Variants in NBPF20 observed in about 807,000 individuals in gnomAD.
NBPF20 encodes the protein NBPF member 20.
A neutral mutation model predicts 68.1 loss-of-function variants in NBPF20; 90 were observed. That is an observed-to-expected ratio of 1.32 (90% confidence interval 1.11 to 1.58). The LOEUF is 1.58. Ranked by LOEUF, NBPF20 falls within the 40% of genes most tolerant of loss-of-function variation. NBPF20 has a pLI of 0.00. For synonymous variants in NBPF20, 290 were observed against 228.1 expected, an observed-to-expected ratio of 1.27 and a Z score of -2.45; for missense variants, 816 against 601.2, an observed-to-expected ratio of 1.36 and a Z score of -3.74.
chr1:145,405,976 T>A (rs1212649527), upstream of NBPF20, among the ~76,000 whole-genome samples: 2 of 150,796 alleles, frequency 1.3e-5, no homozygotes, highest in Non-Finnish European at 3.0e-5. Flanking sequence ...TGGAGTGCAG[T>A]GACGCGATCT....
the NBPF20 span, among the ~76,000 whole-genome samples, chr1:145,411,387 C>CTTTTTTTTT: frequency 6.6e-5 from 7 of 106,168 alleles, no homozygotes; most frequent in Non-Finnish European, 1.1e-4. Flanking sequence ...GTTGACTTTC[C>CTTTTTTTTT]TTTTTTTTTT....
At position 145,291,480 on chromosome 1, in the gene NBPF20, A is replaced by C. The variant is rs782054438; in HGVS notation, c.*46T>G. ...TTCATTCAAATCTTCACGTGCCTATAGGTCCTGCCTGCAGGAATGACATCT... is the reference window on the plus strand; with the variant it reads ...TTCATTCAAATCTTCACGTGCCTATCGGTCCTGCCTGCAGGAATGACATCT... On this transcript the variant is annotated 3_prime_UTR_variant, in exon 138 of 138. Transcript: ENST00000369373. 1.3e-5 allele frequency: 21 copies of C among 1,611,884 alleles called. No individual in the cohort carries two copies. In the Admixed American group the frequency reaches 1.8e-4, roughly 14 times the overall value.
intron 5 of NBPF20, 50 bp downstream of exon 10, chr1:145,401,009 A>G: frequency 6.5e-7 from 1 of 1,529,262 alleles, no homozygotes. Flanking sequence ...CCTCCTAGAT[A>G]TTCCTCATAT....
At chr1:145,372,448 A>G in intron 36 of NBPF20, 64 bp downstream of exon 41, 1 of 329,124 alleles carries the variant, frequency 3.0e-6, no homozygotes, top group Non-Finnish European at 5.1e-6. Flanking sequence ...CACTTGGAAC[A>G]GGAATATCAC....
intron 2 of NBPF20, among the ~76,000 whole-genome samples, chr1:145,403,632 C>T (rs1553666084): frequency 7.2e-6 from 1 of 138,336 alleles, no homozygotes. Flanking sequence ...CTTTCCCAAG[C>T]CTTGCAGCCT....
At chr1:145,414,051 T>A in the NBPF20 span, among the ~76,000 whole-genome samples, 1 of 95,816 alleles carries the variant, frequency 1.0e-5, no homozygotes, top group South Asian at 4.3e-4. Flanking sequence ...GATGGGGGAA[T>A]GTGAGTGTCC....
At chr1:145,414,991 C>T in the NBPF20 span, among the ~76,000 whole-genome samples, 2 of 152,124 alleles carry the variant, frequency 1.3e-5, no homozygotes, top group African/African-American at 4.8e-5. Context: ...GCCCAGGGGA[C>T]CGGCGTTCAG....
intron 29 of NBPF20, among the ~76,000 whole-genome samples, chr1:145,377,725 G>A (rs1384508265): frequency 1.2e-4 from 12 of 103,814 alleles, no homozygotes; most frequent in Non-Finnish European, 2.0e-4. Context: ...GACACTCTGA[G>A]TTAGTGCCCT....
chr1:145,393,982 T>C (rs1489605034), intron 8 of NBPF20, 47 bp from the exon 14 acceptor site: 5 of 979,154 alleles, frequency 5.1e-6, no homozygotes, highest in Non-Finnish European at 8.1e-6. Context: ...CAGTTCTTCC[T>C]TGCACACAGA....
the NBPF20 span, among the ~76,000 whole-genome samples, chr1:145,411,339 T>C: frequency 6.6e-6 from 1 of 151,378 alleles, no homozygotes; most frequent in African/African-American, 2.4e-5. Flanking sequence ...TTTTTTGTAG[T>C]TTTTGGTGTA....
At chr1:145,377,672 C>A (rs1206642798) in intron 29 of NBPF20, among the ~76,000 whole-genome samples, 4 of 139,844 alleles carry the variant, frequency 2.9e-5, no homozygotes, top group East Asian at 4.5e-4. Context: ...AGAAAGTGAG[C>A]TCAGCGAGTT....
chr1:145,409,674 A>G (rs1251331809), upstream of NBPF20, among the ~76,000 whole-genome samples: 37 of 150,790 alleles, frequency 2.5e-4, no homozygotes, highest in Non-Finnish European at 3.4e-4. Flanking sequence ...TTAGCAGGAG[A>G]CAAGATAAGG....
intron 112 of NBPF20, 126 bp downstream of exon 117, chr1:145,312,082 A>C: frequency 2.9e-5 from 2 of 69,650 alleles, no homozygotes; most frequent in South Asian, 3.5e-4. Context: ...TTCAACCTAC[A>C]TGTGCCTATA....
chr1:145,290,311 C>G (rs1325665092), exon 138 of NBPF20: 2 of 149,174 alleles, frequency 1.3e-5, no homozygotes, highest in African/African-American at 5.2e-5. Flanking sequence ...AGGGACAGAT[C>G]TCCTAGACCC....
At chr1:145,406,056 A>G (rs1217575325), upstream of NBPF20, among the ~76,000 whole-genome samples, 2 of 150,060 alleles carry the variant, frequency 1.3e-5, no homozygotes, top group Admixed American at 6.6e-5. Context: ...GTAGCTGGGA[A>G]TACAGGCACC....
chr1:145,291,676 T>A (rs782462488), exon 138 of NBPF20: 43 of 1,611,782 alleles, frequency 2.7e-5, no homozygotes, highest in Non-Finnish European at 3.4e-5. Context: ...ATGAGTCAGG[T>A]AGTTCAAAGT....
intron 8 of NBPF20, among the ~76,000 whole-genome samples, 155 bp downstream of exon 13, chr1:145,394,823 C>A (rs1270309876): frequency 2.6e-5 from 4 of 152,256 alleles, no homozygotes; most frequent in Non-Finnish European, 5.9e-5. Context: ...GTGCTTCAGA[C>A]TCGACTCCAG....
At chr1:145,408,475 T>C (rs1662895574), upstream of NBPF20, among the ~76,000 whole-genome samples, 1 of 152,090 alleles carries the variant, frequency 6.6e-6, no homozygotes, top group South Asian at 2.1e-4. Flanking sequence ...TTCACTTTGA[T>C]ATATTTATGA....
At chr1:145,291,142 C>A (rs1553657284) in exon 138 of NBPF20, 1 of 343,324 alleles carries the variant, frequency 2.9e-6, no homozygotes, top group South Asian at 3.2e-5. Context: ...TTCATTGAAA[C>A]CAGGGTAACA....
Sources: gnomAD v4.1 joint callset for allele counts (sites outside exome capture counted in the v4.1 genomes callset) on GRCh38, gnomAD v4.1.1 for gene constraint, MANE v1.5 for transcripts, NCBI Gene and HGNC (gene_info 2026-07-23, HGNC 2026-07-21) for gene names.